KCTD1: variants seen among roughly 807,000 people sequenced by gnomAD.
KCTD1 encodes the protein potassium channel tetramerization domain containing 1.
A neutral mutation model predicts 66.0 loss-of-function variants in KCTD1; 24 were observed. The ratio of observed to expected loss-of-function variants is 0.36; its 90% CI spans 0.26 to 0.51. KCTD1 has a LOEUF of 0.51. Ranked by LOEUF, KCTD1 falls within the 20% of genes least tolerant of loss-of-function variation. The probability of loss-of-function intolerance (pLI) is 0.95; values close to 1 mark genes in which losing one functional copy is unlikely to be tolerated. For synonymous variants in KCTD1, 511 were observed against 517.2 expected (o/e 0.99, Z 0.16); for missense variants, 943 against 1,205.2 (o/e 0.78, Z 3.22).
At chr18:26,511,730 C>T (rs1449844012) in intron 1 of KCTD1, among the ~76,000 whole-genome samples, 1 of 152,140 alleles carries the variant, frequency 6.6e-6, no homozygotes, top group Non-Finnish European at 1.5e-5. Flanking sequence ...GATAAGGTTG[C>T]CACTCTCTTA....
At chr18:26,513,835 A>G (rs9960543) in intron 1 of KCTD1, among the ~76,000 whole-genome samples, 4,137 of 152,376 alleles carry the variant, frequency 0.027, 204 homozygotes, top group African/African-American at 0.094. Flanking sequence ...AGAACTGGTC[A>G]TGAAATGAAG....
intron 1 of KCTD1, among the ~76,000 whole-genome samples, chr18:26,614,350 CTA>C (rs1302686366): frequency 1.3e-5 from 2 of 152,170 alleles, no homozygotes; most frequent in African/African-American, 4.8e-5. Flanking sequence ...AGCTCACCTT[CTA>C]ATAGAAAGAC....
intron 1 of KCTD1, among the ~76,000 whole-genome samples, chr18:26,601,326 TAA>T (rs61521451): frequency 0.083 from 7,697 of 93,288 alleles, 266 homozygotes; most frequent in Admixed American, 0.12. Flanking sequence ...TGTTCATTGG[TAA>T]AAAAAAAAAA....
At chr18:26,475,435 A>G (rs1981291419) in intron 3 of KCTD1, among the ~76,000 whole-genome samples, 1 of 152,172 alleles carries the variant, frequency 6.6e-6, no homozygotes, top group South Asian at 2.1e-4. Flanking sequence ...TTGTGTGTAG[A>G]GATCTGCAGT....
intron 1 of KCTD1, among the ~76,000 whole-genome samples, chr18:26,558,996 G>A (rs1159983070): frequency 1.3e-5 from 2 of 152,066 alleles, no homozygotes; most frequent in Admixed American, 1.3e-4. Flanking sequence ...CAACCTTGAT[G>A]GAACTGGGGG....
intron 1 of KCTD1, among the ~76,000 whole-genome samples, chr18:26,637,123 CCTAGTTTTCAAA>C (rs1459643750): frequency 1.3e-5 from 2 of 152,156 alleles, no homozygotes; most frequent in Non-Finnish European, 2.9e-5. Flanking sequence ...CAACACTGTG[CCTAGTTTTCAAA>C]CTGTTTAAAT....
At chr18:26,605,038 A>G (rs1187660916) in intron 1 of KCTD1, among the ~76,000 whole-genome samples, 1 of 152,180 alleles carries the variant, frequency 6.6e-6, no homozygotes, top group East Asian at 1.9e-4. Context: ...TCCTGTCCCA[A>G]AAATGGATTA....
chr18:26,552,987 C>CTTTTTTTTTTTT (rs773910506), upstream of KCTD1, among the ~76,000 whole-genome samples: 1 of 137,192 alleles, frequency 7.3e-6, no homozygotes, highest in African/African-American at 2.7e-5. Flanking sequence ...CTTTTTCTTT[C>CTTTTTTTTTTTT]TTTTTTTTTT....
rs1412802245 is a variant in KCTD1, at chr18:26,593,577, G to C, written c.-16+35570C>G. Among the ~76,000 whole-genome samples the C allele has an allele frequency of 3.5e-5, 5 of 144,754 alleles. No individual in the cohort carries two copies. In the Middle Eastern group the frequency reaches 0.011, roughly 327 times the overall value. 95.0% of individuals were successfully genotyped at this position (144,754 alleles called of 152,430 possible). On this transcript the variant is annotated intron_variant, in intron 1 of 4. Transcript: ENST00000317932. ...GGAGGAGGAGGAGGAGGAAGACAAG[G>C]AGCAGGAGGAGAAGGACAAGGAGGG...
intron 1 of KCTD1, among the ~76,000 whole-genome samples, chr18:26,521,372 T>C (rs1018098562): frequency 2.6e-5 from 4 of 152,206 alleles, no homozygotes; most frequent in African/African-American, 9.6e-5. Flanking sequence ...AACGCTCTTT[T>C]GCAAAAGCTC....
chr18:26,604,459 CA>C (rs1483102367), intron 1 of KCTD1, among the ~76,000 whole-genome samples: 1 of 152,102 alleles, frequency 6.6e-6, no homozygotes, highest in Non-Finnish European at 1.5e-5. Context: ...CACATGCACA[CA>C]AATGTTTACT....
At chr18:26,513,163 C>T (rs1598908943) in intron 1 of KCTD1, among the ~76,000 whole-genome samples, 1 of 149,942 alleles carries the variant, frequency 6.7e-6, no homozygotes, top group Non-Finnish European at 1.5e-5. Context: ...TCTCGGTTCA[C>T]TGCAAGCTCC....
intron 1 of KCTD1, among the ~76,000 whole-genome samples, chr18:26,619,627 G>A (rs969697343): frequency 4.6e-5 from 7 of 152,184 alleles, no homozygotes; most frequent in African/African-American, 1.7e-4. Flanking sequence ...GCCAATGATT[G>A]CTTAAGGCCT....
chr18:26,631,782 C>T (rs1380200408), upstream of KCTD1, among the ~76,000 whole-genome samples: 2 of 152,196 alleles, frequency 1.3e-5, no homozygotes, highest in African/African-American at 4.8e-5. Flanking sequence ...GGCGCGGTGG[C>T]TCACACCTGT....
chr18:26,543,028 T>C (rs1985047734), intron 1 of KCTD1: 1 of 152,150 alleles, frequency 6.6e-6, no homozygotes, highest in African/African-American at 2.4e-5. Flanking sequence ...AGCCAAAATT[T>C]TGCCAATGAG....
chr18:26,479,788 G>A (rs573143326), intron 2 of KCTD1, among the ~76,000 whole-genome samples: 1 of 152,266 alleles, frequency 6.6e-6, no homozygotes, highest in East Asian at 1.9e-4. Flanking sequence ...GTCCCTGGGT[G>A]GTTTTTGAGA....
rs569771039 is a variant in KCTD1, at chr18:26,456,013, A to G, written c.2440-112T>C. On this transcript the variant is annotated intron_variant, in intron 4 of 4. Transcript: ENST00000580059. The stretch of plus-strand genomic sequence containing the variant: ...CTCTGGTTCATCTCATCCAGCACCC[A>G]TGTCCCTGTGAGCTGCTCCTCTCAA... 2.9e-5 allele frequency: 29 copies of G among 1,001,026 alleles called. 1 individual carries two copies. The South Asian group carries it at 3.7e-4, about 13-fold the overall frequency. The allele number at this position is 1,001,026 out of a possible 1,614,324, so 62.0% of individuals were successfully genotyped here.
At chr18:26,627,262 TTGTGTGTG>T (rs59902249) in intron 1 of KCTD1, among the ~76,000 whole-genome samples, 77,065 of 145,860 alleles carry the variant, frequency 0.53, 21,362 homozygotes, top group East Asian at 0.74. Context: ...CTTCTGGGTT[TTGTGTGTG>T]TGTGTGTGTG....
chr18:26,656,415 G>T (rs1178531241), intron 1 of KCTD1, among the ~76,000 whole-genome samples: 2 of 152,124 alleles, frequency 1.3e-5, no homozygotes, highest in African/African-American at 4.8e-5. Context: ...AGGAATAAGA[G>T]CTTTTTAAAA....
Sources: gnomAD v4.1 joint callset for allele counts (sites outside exome capture counted in the v4.1 genomes callset) on GRCh38, gnomAD v4.1.1 for gene constraint, MANE v1.5 for transcripts, NCBI Gene and HGNC (gene_info 2026-07-23, HGNC 2026-07-21) for gene names.